The following WNK2 variants were observed in gnomAD, a reference collection of about 807,000 sequenced individuals.
WNK2 encodes the protein WNK lysine deficient protein kinase 2, also known as serine/threonine-protein kinase WNK2.
In WNK2, 67 loss-of-function variants were observed where a neutral mutation model predicts 192.1. The ratio of observed to expected loss-of-function variants is 0.35; its 90% CI spans 0.29 to 0.43. The LOEUF (loss-of-function observed/expected upper bound fraction) is 0.43, where lower values mean the gene tolerates loss of function less well. Ranked by LOEUF, WNK2 falls within the 20% of genes least tolerant of loss-of-function variation. The pLI is 1.00. For missense variants in WNK2, 2,698 were observed against 3,089.7 expected (o/e 0.87, Z 3.01); for synonymous variants, 1,439 against 1,393.9 (o/e 1.03, Z -0.72).
At chr9:93,215,824 G>A (rs112533361) in intron 2 of WNK2, among the ~76,000 whole-genome samples, 2,709 of 152,138 alleles carry the variant, frequency 0.018, 42 homozygotes, top group Non-Finnish European at 0.022. Flanking sequence ...TTATCGTCTC[G>A]TTTTTCTTCT....
chr9:93,212,373 A>G (rs1367233205), intron 2 of WNK2, among the ~76,000 whole-genome samples: 1 of 152,182 alleles, frequency 6.6e-6, no homozygotes, highest in Non-Finnish European at 1.5e-5. Flanking sequence ...GTGGCCCCCC[A>G]GCAGGACAGC....
At chr9:93,216,748 C>CGCACCACTGCACCACT (rs377285858) in intron 2 of WNK2, among the ~76,000 whole-genome samples, 1 of 150,588 alleles carries the variant, frequency 6.6e-6, no homozygotes, top group Non-Finnish European at 1.5e-5. Context: ...AAACCAAGAT[C>CGCACCACTGCACCACT]GCACCACTGC....
At chr9:93,188,626 C>T (rs1319818863) in intron 2 of WNK2, among the ~76,000 whole-genome samples, 2 of 152,232 alleles carry the variant, frequency 1.3e-5, no homozygotes, top group African/African-American at 4.8e-5. Context: ...CCTCCTTGCC[C>T]ACATGTCCTG....
Position 93,239,988 on chromosome 9 carries a change from T to C in WNK2, c.1542+12T>C. 1 of 1,605,236 alleles carries C rather than the reference T, an allele frequency of 6.2e-7. No homozygotes were observed. Among genetic ancestry groups the C allele is most frequent in the Non-Finnish European group, 8.5e-7 (1 of 1,175,984 alleles). On this transcript the variant is annotated intron_variant, in intron 7 of 29. Coordinates refer to ENST00000427277, the MANE Select transcript of WNK2 (RefSeq NM_006648.4). The surrounding 1 kb of genome is among the most constrained non-coding windows in gnomAD (Gnocchi z 4.2). ...TGGCCCAAGAGATGGTAAGCAGGACTCAGATGGGGTGAGGTGGGTGCAGGT... is the reference window on the plus strand; with the variant it reads ...TGGCCCAAGAGATGGTAAGCAGGACCCAGATGGGGTGAGGTGGGTGCAGGT...
intron 2 of WNK2, among the ~76,000 whole-genome samples, chr9:93,219,264 T>C (rs761125323): frequency 3.9e-5 from 6 of 152,192 alleles, no homozygotes; most frequent in Non-Finnish European, 7.4e-5. Context: ...CCCAGTCCCA[T>C]TGGTCAACAT....
Position 93,258,133 on chromosome 9 carries a change from G to T in WNK2, c.2383-798G>T, listed in dbSNP as rs1380986867. ...GTTATCTTGCTCGTTCAGACAGACA[G>T]GAGTCCATGTGCATTTTTGCTGCCT... On this transcript the variant is annotated intron_variant, in intron 11 of 29. Transcript: ENST00000427277. 2.0e-5 allele frequency among the ~76,000 whole-genome samples: 3 copies of T among 152,324 alleles called. No homozygotes were observed. In the East Asian group the frequency reaches 5.8e-4, roughly 29 times the overall value.
intron 29 of WNK2, chr9:93,319,072 T>A: frequency 1.2e-6 from 2 of 1,612,882 alleles, no homozygotes; most frequent in Non-Finnish European, 1.7e-6. Context: ...CTTGCCCTGT[T>A]CCTTGAGTGA....
intron 7 of WNK2, among the ~76,000 whole-genome samples, chr9:93,242,785 A>G (rs756105831): frequency 1.8e-4 from 27 of 152,218 alleles, no homozygotes; most frequent in Non-Finnish European, 2.8e-4. Context: ...GTCCTGGGGC[A>G]GCTGTGCTGG....
intron 2 of WNK2, among the ~76,000 whole-genome samples, chr9:93,201,585 TTGGATGTGTCTGAGGGCTA>T (rs1202771647): frequency 6.6e-6 from 1 of 152,120 alleles, no homozygotes; most frequent in African/African-American, 2.4e-5. Flanking sequence ...AAGCCCCAGG[TTGGATGTGTCTGAGGGCTA>T]TGGACAGGTC....
intron 7 of WNK2, 145 bp downstream of exon 7, chr9:93,240,121 T>C: frequency 3.3e-6 from 3 of 895,986 alleles, no homozygotes; most frequent in Middle Eastern, 3.3e-4. Context: ...CAGGCAGGTG[T>C]GGGCAGCTGA....
At chr9:93,312,827 G>T (rs933493352) in intron 28 of WNK2, among the ~76,000 whole-genome samples, 1 of 152,122 alleles carries the variant, frequency 6.6e-6, no homozygotes, top group African/African-American at 2.4e-5. Flanking sequence ...CTCCTCTCCT[G>T]TGACTCCCGT....
chr9:93,210,889 C>T (rs919277363), intron 2 of WNK2, among the ~76,000 whole-genome samples: 1 of 152,180 alleles, frequency 6.6e-6, no homozygotes, highest in Non-Finnish European at 1.5e-5. Context: ...TATGGGAGCC[C>T]CAGGGACTTC....
At chr9:93,302,108 CT>C (rs1280143794) in intron 26 of WNK2, among the ~76,000 whole-genome samples, 3 of 152,238 alleles carry the variant, frequency 2.0e-5, no homozygotes, top group African/African-American at 7.2e-5. Context: ...ACTGGCACAT[CT>C]GCTGCTCATG....
chr9:93,221,113 G>A (rs1453326462), intron 2 of WNK2, among the ~76,000 whole-genome samples: 3 of 152,202 alleles, frequency 2.0e-5, no homozygotes, highest in Non-Finnish European at 4.4e-5. Context: ...TGGGGAGGGC[G>A]GGGCCCAGCA....
intron 19 of WNK2, among the ~76,000 whole-genome samples, chr9:93,284,539 A>C (rs141001052): frequency 2.6e-5 from 4 of 151,342 alleles, no homozygotes; most frequent in African/African-American, 9.7e-5. Flanking sequence ...GGGGAACAAG[A>C]TAAGGATGCC....
chr9:93,298,034 G>T lies in WNK2; in HGVS notation c.5890G>T (p.Val1964Leu), dbSNP rs760106086. The T allele has an allele frequency of 1.9e-6, 3 of 1,552,598 alleles. No individual in the cohort carries two copies. The highest frequency in any genetic ancestry group is 2.6e-6 in the Non-Finnish European group (3 of 1,148,516). ...LKAGKLLNPL[V>L]RQLKVVASST... The stretch of plus-strand genomic sequence containing the variant: ...GGCAGGCAAGCTGCTAAATCCCCTG[G>T]TGCGGCAGCTCAAGGTCGTGGCCTC... The change falls in exon 24 of 30, where the codon GTG becomes TTG. Residue 1964 changes from valine to leucine, a missense_variant. Physicochemically the swap from Val to Leu is conservative, Grantham distance 32. Around this residue, in one of 7 missense-constraint regions of WNK2, gnomAD observed 1,098 missense variants for 1,101.0 expected, o/e 1.00. Coordinates refer to ENST00000427277, the MANE Select transcript of WNK2 (RefSeq NM_006648.4).
chr9:93,286,369 C>T (rs1848445960), intron 19 of WNK2, among the ~76,000 whole-genome samples: 1 of 152,056 alleles, frequency 6.6e-6, no homozygotes, highest in South Asian at 2.1e-4. Context: ...ACAGGTGTGT[C>T]CTAAAAGAAG....
At position 93,289,456 on chromosome 9, in the gene WNK2, T is replaced by A. The variant is rs1179586394; in HGVS notation, c.4702T>A (p.Ser1568Thr). The A allele has an allele frequency of 1.9e-6, 3 of 1,612,648 alleles. No homozygotes were observed. The highest frequency in any genetic ancestry group is 1.7e-5 in the Admixed American group (1 of 60,008). The change falls in exon 20 of 30, where the codon TCC becomes ACC. Residue 1568 changes from serine (S) to threonine (T), a missense_variant. Physicochemically the swap from Ser to Thr is moderately conservative, Grantham distance 58 (BLOSUM62 1). Around this residue, in one of 7 missense-constraint regions of WNK2, gnomAD observed 1,098 missense variants for 1,101.0 expected, o/e 1.00. Coordinates refer to ENST00000427277, the MANE Select transcript of WNK2 (RefSeq NM_006648.4). Reference protein sequence around the residue: ...TLLYQEHVPTSSASAGTPVEV... With the variant: ...TLLYQEHVPTTSASAGTPVEV... ...GCTCTACCAGGAGCACGTGCCCACC[T>A]CCTCAGCCTCAGCTGGGACCCCTGT...
At position 93,303,499 on chromosome 9, in the gene WNK2, A is replaced by G. The variant is rs563580912; in HGVS notation, c.6215-3278A>G. Among the ~76,000 whole-genome samples the G allele has an allele frequency of 2.0e-5, 3 of 152,136 alleles. No homozygotes were observed. In the East Asian group the frequency reaches 5.8e-4, roughly 30 times the overall value. On this transcript the variant is annotated intron_variant, in intron 26 of 29. Coordinates refer to ENST00000427277, the MANE Select transcript of WNK2 (RefSeq NM_006648.4). ...CACGATGCCTTCTAGGCCTTCTCCC[A>G]CCGTGGAATGCTTTCATCCCTCCCG...
Sources: allele counts gnomAD v4.1 joint callset (sites outside exome capture counted in the v4.1 genomes callset), GRCh38; gene constraint gnomAD v4.1.1; regional missense constraint gnomAD v4.1.1; non-coding constraint Gnocchi (gnomAD v3.1); transcripts MANE v1.5; gene names NCBI Gene and HGNC (gene_info 2026-07-23, HGNC 2026-07-21).